The following CNTNAP2 variants were observed in gnomAD, a reference collection of about 807,000 sequenced individuals.
The protein encoded by CNTNAP2 is contactin associated protein 2, also known as contactin-associated protein-like 2.
A neutral mutation model predicts 155.2 loss-of-function variants in CNTNAP2; 98 were observed. That is an observed-to-expected ratio of 0.63 (90% CI 0.54 to 0.75). CNTNAP2 has a LOEUF of 0.75. Ranked by LOEUF, CNTNAP2 falls within the 30% of genes least tolerant of loss-of-function variation. The pLI, the probability that CNTNAP2 is intolerant of heterozygous loss-of-function variation, is 0.00. For missense variants in CNTNAP2, 1,727 were observed against 1,688.1 expected (o/e 1.02, Z -0.40); for synonymous variants, 651 against 631.2 (o/e 1.03, Z -0.47).
At chr7:147,658,330 G>C (rs1563041790) in intron 13 of CNTNAP2, among the ~76,000 whole-genome samples, 1 of 151,936 alleles carries the variant, frequency 6.6e-6, no homozygotes, top group East Asian at 1.9e-4. Context: ...GATTCTTTGG[G>C]CAAAACTTGA....
At chr7:146,990,080 TAAA>T (rs532120864) in intron 3 of CNTNAP2, among the ~76,000 whole-genome samples, 1 of 149,884 alleles carries the variant, frequency 6.7e-6, no homozygotes, top group Admixed American at 6.6e-5. Context: ...AAATAAAAAA[TAAA>T]AAAAAAGGGG....
chr7:146,488,196 G>A (rs746405477), intron 1 of CNTNAP2, among the ~76,000 whole-genome samples: 1 of 151,440 alleles, frequency 6.6e-6, no homozygotes, highest in Non-Finnish European at 1.5e-5. Flanking sequence ...ACGCACGTGA[G>A]GAATTTCCAC....
chr7:147,889,256 A>C (rs2116728455), intron 13 of CNTNAP2, among the ~76,000 whole-genome samples: 1 of 152,228 alleles, frequency 6.6e-6, no homozygotes, highest in South Asian at 2.1e-4. Context: ...AGCAAACAAG[A>C]GAGAAAAAAA....
intron 8 of CNTNAP2, among the ~76,000 whole-genome samples, chr7:147,183,119 T>A (rs1205814087): frequency 6.6e-6 from 1 of 151,860 alleles, no homozygotes; most frequent in African/African-American, 2.4e-5. Context: ...TTGAATAAGG[T>A]TCAAACTAAC....
At chr7:146,483,075 G>T (rs907098061) in intron 1 of CNTNAP2, among the ~76,000 whole-genome samples, 1 of 151,018 alleles carries the variant, frequency 6.6e-6, no homozygotes, top group African/African-American at 2.4e-5. Context: ...AGGAGATGGA[G>T]ACCATCCTGG....
intron 1 of CNTNAP2, among the ~76,000 whole-genome samples, chr7:146,273,569 G>A (rs746229031): frequency 1.3e-5 from 2 of 152,202 alleles, no homozygotes; most frequent in African/African-American, 4.8e-5. Context: ...CGGGCCAGAT[G>A]TGCTAACTTC....
intron 11 of CNTNAP2, among the ~76,000 whole-genome samples, chr7:147,524,130 A>C (rs926439563): frequency 6.6e-6 from 1 of 152,150 alleles, no homozygotes; most frequent in African/African-American, 2.4e-5. Context: ...CTCCACTCAC[A>C]CCTTGTCTAC....
intron 3 of CNTNAP2, among the ~76,000 whole-genome samples, chr7:146,968,031 T>G (rs1185764704): frequency 8.8e-3 from 1,157 of 131,136 alleles, no homozygotes; most frequent in Non-Finnish European, 0.012. Flanking sequence ...CGGTGTTGAA[T>G]TTTGTCAAAG....
chr7:146,819,548 C>A (rs1224841875), intron 2 of CNTNAP2, among the ~76,000 whole-genome samples: 1 of 152,094 alleles, frequency 6.6e-6, no homozygotes, highest in Non-Finnish European at 1.5e-5. Flanking sequence ...GACAGCACTT[C>A]TTTCACTAGA....
Position 148,418,511 on chromosome 7 carries a change from A to G in CNTNAP2, c.*2895A>G, listed in dbSNP as rs896029216. 6.8e-6 allele frequency: 1 copy of G among 147,578 alleles called. No individual in the cohort carries two copies. The highest frequency in any genetic ancestry group is 6.9e-5 in the Admixed American group (1 of 14,404). The allele number at this position is 147,578 out of a possible 1,614,324, so 9.1% of individuals were successfully genotyped here. Reference sequence around the variant, plus strand: ...TGGCTGATTTAAAGTTGTGCAGGAAACATCTTCTGTGTATGAAGCAAATGT... The same window carrying G: ...TGGCTGATTTAAAGTTGTGCAGGAAGCATCTTCTGTGTATGAAGCAAATGT... On this transcript the variant is annotated 3_prime_UTR_variant, in exon 24 of 24. Transcript: ENST00000361727.
At chr7:146,883,999 G>T (rs916246231) in intron 3 of CNTNAP2, among the ~76,000 whole-genome samples, 8 of 151,958 alleles carry the variant, frequency 5.3e-5, no homozygotes, top group African/African-American at 1.9e-4. Context: ...TGAATTTTAA[G>T]CATGTAAATA....
chr7:146,474,413 AT>A (rs11291888), intron 1 of CNTNAP2, among the ~76,000 whole-genome samples: 27,760 of 144,128 alleles, frequency 0.19, 3,754 homozygotes, highest in African/African-American at 0.4. Flanking sequence ...ATTTATTTGT[AT>A]TTTTTTTTTT....
intron 21 of CNTNAP2, among the ~76,000 whole-genome samples, chr7:148,329,935 C>G (rs936318101): frequency 2.0e-5 from 3 of 152,226 alleles, no homozygotes; most frequent in Non-Finnish European, 4.4e-5. Context: ...CCCTTACCCC[C>G]GTCTGGCCTG....
At chr7:148,270,830 T>A (rs1178240294) in intron 21 of CNTNAP2, among the ~76,000 whole-genome samples, 1 of 152,214 alleles carries the variant, frequency 6.6e-6, no homozygotes, top group African/African-American at 2.4e-5. Flanking sequence ...CTGTTAGCAT[T>A]GAAATCTTGA....
chr7:146,529,084 T>A (rs1797731687), intron 1 of CNTNAP2, among the ~76,000 whole-genome samples: 1 of 152,268 alleles, frequency 6.6e-6, no homozygotes, highest in Non-Finnish European at 1.5e-5. Flanking sequence ...ATAGACTAAA[T>A]AAATACATAT....
chr7:146,934,639 G>C (rs750538457), intron 3 of CNTNAP2, among the ~76,000 whole-genome samples: 3 of 152,094 alleles, frequency 2.0e-5, no homozygotes, highest in Non-Finnish European at 4.4e-5. Context: ...TTCAACAATG[G>C]ACATGTATTC....
intron 4 of CNTNAP2, among the ~76,000 whole-genome samples, chr7:147,066,392 G>A (rs1308747541): frequency 1.3e-5 from 2 of 152,154 alleles, no homozygotes; most frequent in South Asian, 2.1e-4. Context: ...GCTTCTCCAC[G>A]CTCATGGTTG....
intron 13 of CNTNAP2, among the ~76,000 whole-genome samples, chr7:147,790,066 T>A (rs548285423): frequency 6.6e-6 from 1 of 152,238 alleles, no homozygotes; most frequent in East Asian, 1.9e-4. Flanking sequence ...GTTCTGTCCC[T>A]CTAGAGAACC....
intron 1 of CNTNAP2, among the ~76,000 whole-genome samples, chr7:146,501,033 A>G (rs1797293161): frequency 6.6e-6 from 1 of 152,008 alleles, no homozygotes; most frequent in Non-Finnish European, 1.5e-5. Flanking sequence ...ATTGATTTTC[A>G]TATTCTAAAC....
Sources: allele counts gnomAD v4.1 joint callset (sites outside exome capture counted in the v4.1 genomes callset), GRCh38; gene constraint gnomAD v4.1.1; transcripts MANE v1.5; gene names NCBI Gene and HGNC (gene_info 2026-07-23, HGNC 2026-07-21).